Variants in FER observed in about 807,000 individuals in gnomAD.
FER encodes tyrosine-protein kinase Fer.
FER carries 63 observed loss-of-function variants against 111.0 expected under a neutral mutation model. That is an observed-to-expected ratio of 0.57 (90% CI 0.46 to 0.70). The LOEUF is 0.70. Ranked by LOEUF, FER falls within the 30% of genes least tolerant of loss-of-function variation. The probability of loss-of-function intolerance (pLI) is 0.00; values close to 1 mark genes in which losing one functional copy is unlikely to be tolerated. For synonymous variants in FER, 327 were observed against 313.9 expected (o/e 1.04, Z -0.44); for missense variants, 914 against 954.0 (o/e 0.96, Z 0.55).
intron 17 of FER, among the ~76,000 whole-genome samples, chr5:109,111,399 T>G (rs1273546267): frequency 6.6e-6 from 1 of 152,096 alleles, no homozygotes; most frequent in Non-Finnish European, 1.5e-5. Context: ...AAAAAGGCCA[T>G]TCCCTTCTAA....
intron 10 of FER, among the ~76,000 whole-genome samples, chr5:108,900,509 G>A (rs909499628): frequency 5.9e-5 from 9 of 152,074 alleles, no homozygotes; most frequent in Non-Finnish European, 1.3e-4. Flanking sequence ...TGCTATAAAT[G>A]GTATACAATT....
intron 17 of FER, among the ~76,000 whole-genome samples, chr5:109,117,442 A>G (rs973315662): frequency 7.9e-5 from 12 of 152,146 alleles, no homozygotes; most frequent in Admixed American, 2.6e-4. Context: ...TGATAAACTC[A>G]TATCATTCTT....
chr5:109,081,197 G>A (rs1348829191), intron 16 of FER, among the ~76,000 whole-genome samples: 5 of 152,020 alleles, frequency 3.3e-5, no homozygotes, highest in African/African-American at 1.2e-4. Context: ...GAGAAAAGAC[G>A]ATCTGCAAGT....
intron 3 of FER, chr5:108,819,789 C>T: frequency 1.0e-6 from 1 of 984,812 alleles, no homozygotes; most frequent in Non-Finnish European, 1.2e-6. Context: ...AAGGAAGTGT[C>T]TTGAGTATAT....
chr5:109,067,227 T>TTTGTTGTTG (rs111663056), intron 16 of FER, among the ~76,000 whole-genome samples: 5,515 of 150,050 alleles, frequency 0.037, 123 homozygotes, highest in Middle Eastern at 0.072. Context: ...GAGTGACTGG[T>TTTGTTGTTG]TTGTTGTTGT....
At chr5:109,078,502 GAGCC>G (rs2150013124) in intron 16 of FER, among the ~76,000 whole-genome samples, 1 of 152,232 alleles carries the variant, frequency 6.6e-6, no homozygotes, top group African/African-American at 2.4e-5. Context: ...CTGGAGAATT[GAGCC>G]AGCTGTACTA....
chr5:108,892,436 C>T (rs1748261232), intron 9 of FER, among the ~76,000 whole-genome samples: 1 of 152,086 alleles, frequency 6.6e-6, no homozygotes, highest in Non-Finnish European at 1.5e-5. Context: ...GCATTTTTTT[C>T]ATGTGTCTTT....
At chr5:108,790,091 C>T (rs1324240295) in intron 2 of FER, among the ~76,000 whole-genome samples, 5 of 151,846 alleles carry the variant, frequency 3.3e-5, no homozygotes, top group African/African-American at 1.2e-4. Context: ...CTTGGAAGGC[C>T]GAGGTGGGAG....
intron 1 of FER, among the ~76,000 whole-genome samples, chr5:108,755,422 C>T (rs982977394): frequency 1.3e-5 from 2 of 152,060 alleles, no homozygotes; most frequent in Non-Finnish European, 2.9e-5. Flanking sequence ...GATGGGGCTC[C>T]CTTGTTAATT....
At chr5:108,790,739 A>G (rs538518230) in intron 2 of FER, among the ~76,000 whole-genome samples, 1 of 152,340 alleles carries the variant, frequency 6.6e-6, no homozygotes, top group South Asian at 2.1e-4. Context: ...TGCAGGCACT[A>G]CTACAATCAA....
intron 17 of FER, among the ~76,000 whole-genome samples, chr5:109,148,674 T>G (rs771327939): frequency 2.0e-5 from 3 of 152,208 alleles, no homozygotes; most frequent in Non-Finnish European, 4.4e-5. Flanking sequence ...TTTTAAAGGT[T>G]TTCCTCAAAG....
intron 13 of FER, among the ~76,000 whole-genome samples, chr5:109,030,628 C>T (rs772965550): frequency 6.6e-6 from 1 of 152,106 alleles, no homozygotes; most frequent in Non-Finnish European, 1.5e-5. Flanking sequence ...GGGAATTCCC[C>T]AAGTCTGGGC....
intron 17 of FER, among the ~76,000 whole-genome samples, chr5:109,145,539 G>C (rs2126655412): frequency 6.6e-6 from 1 of 151,890 alleles, no homozygotes; most frequent in South Asian, 2.1e-4. Context: ...TCTCCCCTCT[G>C]TTTAAATTAC....
chr5:108,754,435 G>A (rs1322491933), intron 1 of FER, among the ~76,000 whole-genome samples: 1 of 146,486 alleles, frequency 6.8e-6, no homozygotes, highest in South Asian at 2.2e-4. Context: ...AAAAAATAGT[G>A]TGTAAGTATT....
intron 16 of FER, among the ~76,000 whole-genome samples, chr5:109,048,168 TTC>T (rs1187632963): frequency 1.3e-5 from 2 of 152,252 alleles, no homozygotes; most frequent in South Asian, 2.1e-4. Flanking sequence ...GCTCATTAAT[TTC>T]TGTTTACAGA....
At chr5:109,055,173 T>G (rs893159623) in intron 16 of FER, among the ~76,000 whole-genome samples, 1 of 152,088 alleles carries the variant, frequency 6.6e-6, no homozygotes, top group Admixed American at 6.5e-5. Context: ...TCAAATTGGA[T>G]GAAAGACCTA....
chr5:109,070,352 CTGATT>C (rs1437996770), intron 16 of FER, among the ~76,000 whole-genome samples: 2 of 151,866 alleles, frequency 1.3e-5, no homozygotes, highest in African/African-American at 4.8e-5. Context: ...CTCTTACAGA[CTGATT>C]TGAGGAAACA....
chr5:109,038,986 T>G (rs1483791732), intron 14 of FER, among the ~76,000 whole-genome samples: 1 of 152,088 alleles, frequency 6.6e-6, no homozygotes, highest in African/African-American at 2.4e-5. Context: ...AATGAATTTA[T>G]TTTAAATAGA....
At chr5:109,028,480 A>T (rs1354737522) in intron 13 of FER, among the ~76,000 whole-genome samples, 1 of 152,316 alleles carries the variant, frequency 6.6e-6, no homozygotes. Context: ...CTTTAAATAA[A>T]TTACTCTATT....
Sources: allele counts gnomAD v4.1 joint callset (sites outside exome capture counted in the v4.1 genomes callset), GRCh38; gene constraint gnomAD v4.1.1; transcripts MANE v1.5; gene names NCBI Gene and HGNC (gene_info 2026-07-23, HGNC 2026-07-21).